Variants in PON1 observed in about 807,000 individuals in gnomAD.
PON1 encodes the protein serum paraoxonase/arylesterase 1.
In PON1, 37 loss-of-function variants were observed where a neutral mutation model predicts 39.2. The ratio of observed to expected loss-of-function variants is 0.94; its 90% CI spans 0.73 to 1.24. The LOEUF (loss-of-function observed/expected upper bound fraction) is 1.24, where lower values mean the gene tolerates loss of function less well. Among genes scored for constraint, PON1 ranks in the 50% most tolerant of loss-of-function variants. The probability of loss-of-function intolerance (pLI) is 0.00; values close to 1 mark genes in which losing one functional copy is unlikely to be tolerated. For synonymous variants in PON1, 148 were observed against 152.2 expected (o/e 0.97, Z 0.21); for missense variants, 397 against 413.5 (o/e 0.96, Z 0.35).
In PON1 at chr7:95,298,537, AGACAC is replaced by A. The variant is rs1807340097; in HGVS notation, c.*402_*406del. 3.1e-6 allele frequency: 1 copy of A among 325,090 alleles called. No homozygotes were observed. The highest frequency in any genetic ancestry group is 6.0e-6 in the Non-Finnish European group (1 of 166,702). The allele number at this position is 325,090 out of a possible 1,614,324, so 20.1% of individuals were successfully genotyped here. Reference sequence around the variant, plus strand: ...CCCTGGGTGAGTACTGGAGTTCTAAAGACACGTGAGCTAACCCTGCTCCCCTGTGT... The same window carrying A: ...CCCTGGGTGAGTACTGGAGTTCTAAAGTGAGCTAACCCTGCTCCCCTGTGT... On this transcript the variant is annotated 3_prime_UTR_variant, in exon 9 of 9. Transcript: ENST00000222381.
At chr7:95,299,691 T>A (rs112455419) in intron 8 of PON1, among the ~76,000 whole-genome samples, 9 of 152,266 alleles carry the variant, frequency 5.9e-5, no homozygotes, top group African/African-American at 1.9e-4. Flanking sequence ...CCCTCAAACA[T>A]CAGACTCCAA....
intron 1 of PON1, 110 bp downstream of exon 1, chr7:95,324,292 C>T (rs1041136906): frequency 1.0e-6 from 1 of 982,612 alleles, no homozygotes; most frequent in Non-Finnish European, 1.6e-6. Context: ...CATCTAGCAC[C>T]TGCTTGTAAA....
At chr7:95,320,817 T>C (rs1328715850) in intron 1 of PON1, among the ~76,000 whole-genome samples, 1 of 152,216 alleles carries the variant, frequency 6.6e-6, no homozygotes, top group Non-Finnish European at 1.5e-5. Context: ...GCCTAAGAGA[T>C]AAGGGTCAAT....
chr7:95,315,314 A>G lies in PON1; in HGVS notation c.370+8T>C. On this transcript the variant is annotated splice_region_variant and intron_variant, in intron 4 of 8. Coordinates refer to ENST00000222381, the MANE Select transcript of PON1 (RefSeq NM_000446.7). ...GTTTTGGTTTTAATAAATAGTAAAT[A>G]TTGTTACCTTCATCTGTGAATGTGC... The G allele has an allele frequency of 6.2e-7, 1 of 1,609,108 alleles. No homozygotes were observed. The highest frequency in any genetic ancestry group is 8.5e-7 in the Non-Finnish European group (1 of 1,176,022).
At chr7:95,317,698 G>A (rs535836472) in intron 2 of PON1, among the ~76,000 whole-genome samples, 32 of 152,072 alleles carry the variant, frequency 2.1e-4, no homozygotes, top group Admixed American at 3.3e-4. Context: ...TTGAGCCCGG[G>A]GACTCTCCTT....
rs1807315456 is a variant in PON1, at chr7:95,298,046, T to A, written c.*898A>T. Reference sequence around the variant, plus strand: ...TTGTTTACCTTTCTATTATTTTTTTTCTTTTCAGCCTCCACAACAAGAAGT... The same window carrying A: ...TTGTTTACCTTTCTATTATTTTTTTACTTTTCAGCCTCCACAACAAGAAGT... On this transcript the variant is annotated 3_prime_UTR_variant, in exon 9 of 9. Coordinates refer to ENST00000222381, the MANE Select transcript of PON1 (RefSeq NM_000446.7). 6.6e-6 allele frequency: 1 copy of A among 152,198 alleles called. No individual in the cohort carries two copies. The highest frequency in any genetic ancestry group is 2.1e-4 in the South Asian group (1 of 4,834). The allele number at this position is 152,198 out of a possible 1,614,324, so 9.4% of individuals were successfully genotyped here. A position where few individuals can be genotyped will look rare whatever the true frequency, so the allele number is the denominator to read the frequency against.
At chr7:95,315,036 T>A (rs1807735135) in intron 4 of PON1, among the ~76,000 whole-genome samples, 1 of 152,190 alleles carries the variant, frequency 6.6e-6, no homozygotes, top group African/African-American at 2.4e-5. Context: ...GCTATAATGA[T>A]CAGGGCTGGA....
chr7:95,312,656 T>C (rs776925940), intron 4 of PON1, among the ~76,000 whole-genome samples: 2 of 152,220 alleles, frequency 1.3e-5, no homozygotes, highest in African/African-American at 2.4e-5. Context: ...AATGTGGATA[T>C]CTAGGGAAAG....
chr7:95,302,051 T>G (rs1170882062), intron 8 of PON1, among the ~76,000 whole-genome samples, 154 bp downstream of exon 8: 1 of 130,344 alleles, frequency 7.7e-6, no homozygotes, highest in Non-Finnish European at 1.5e-5. Context: ...GAGCCAAGAT[T>G]GCGCCACTGC....
At chr7:95,302,395 A>G (rs773334957) in intron 7 of PON1, 62 bp from the exon 8 acceptor site, 87 of 1,482,048 alleles carry the variant, frequency 5.9e-5, no homozygotes, top group Admixed American at 1.5e-4. Flanking sequence ...GTGATGGAGC[A>G]AAATATATCA....
At chr7:95,309,934 A>G (rs1027890371) in intron 5 of PON1, among the ~76,000 whole-genome samples, 1 of 152,248 alleles carries the variant, frequency 6.6e-6, no homozygotes, top group Non-Finnish European at 1.5e-5. Flanking sequence ...TAATTACGGC[A>G]CCGTGGTTAT....
In PON1 at chr7:95,298,755, TG is replaced by T. The variant is rs1234948252; in HGVS notation, c.*188del. The T allele has an allele frequency of 1.5e-6, 1 of 676,324 alleles. No individual in the cohort carries two copies. Among genetic ancestry groups the T allele is most frequent in the East Asian group, 2.7e-5 (1 of 36,554 alleles). The allele number at this position is 676,324 out of a possible 1,614,324, so 41.9% of individuals were successfully genotyped here. ...GTTTTCAAGTATTCCAAGACTGATT[TG>T]ATAGTGTATTCTCAAAAAAAAGCCC... On this transcript the variant is annotated 3_prime_UTR_variant, in exon 9 of 9. Coordinates refer to ENST00000222381, the MANE Select transcript of PON1 (RefSeq NM_000446.7).
intron 1 of PON1, 36 bp downstream of exon 1, chr7:95,324,366 G>T (rs1807966047): frequency 1.2e-6 from 2 of 1,601,862 alleles, no homozygotes; most frequent in African/African-American, 2.7e-5. Flanking sequence ...GAGTGAGGAG[G>T]ACGAAGGCTG....
At chr7:95,303,345 C>T (rs1044857026) in intron 7 of PON1, among the ~76,000 whole-genome samples, 2 of 138,326 alleles carry the variant, frequency 1.4e-5, no homozygotes, top group East Asian at 2.8e-4. Context: ...GCAAGACAGG[C>T]GGCTCCATGC....
chr7:95,322,346 G>GTATATA (rs753285630), intron 1 of PON1, among the ~76,000 whole-genome samples: 20 of 136,180 alleles, frequency 1.5e-4, no homozygotes, highest in Non-Finnish European at 2.9e-4. Context: ...GTGTGTGTGT[G>GTATATA]TGTGTATATA....
chr7:95,300,015 C>G (rs1807386370), intron 8 of PON1, among the ~76,000 whole-genome samples: 1 of 151,330 alleles, frequency 6.6e-6, no homozygotes, highest in South Asian at 2.1e-4. Context: ...AAAACCATAT[C>G]TGTGTACCAT....
intron 4 of PON1, among the ~76,000 whole-genome samples, chr7:95,313,640 G>GTGTGTT (rs1807704153): frequency 6.6e-6 from 1 of 151,774 alleles, no homozygotes. Flanking sequence ...GTGTGTGTGT[G>GTGTGTT]TGTGTGTGTG....
intron 3 of PON1, among the ~76,000 whole-genome samples, chr7:95,315,786 C>A (rs1807754789): frequency 6.6e-6 from 1 of 152,024 alleles, no homozygotes; most frequent in African/African-American, 2.4e-5. Context: ...GAAGAGCAGA[C>A]CAAAAAGGCA....
rs377278600 is a variant in PON1 at position 95,306,367 on chromosome 7, C to T, written c.699-1G>A. ...CAGCAACTCAGCTATATAGACATACCTTCAAAGAAGAAAGAGCTACATCAA... is the reference window on the plus strand; with the variant it reads ...CAGCAACTCAGCTATATAGACATACTTTCAAAGAAGAAAGAGCTACATCAA... On this transcript the variant is annotated splice_acceptor_variant, in intron 6 of 8. Transcript: ENST00000222381. LOFTEE classifies it high-confidence loss of function. 2.5e-6 allele frequency: 4 copies of T among 1,599,580 alleles called. No individual in the cohort carries two copies. The South Asian group carries it at 3.3e-5, about 13-fold the overall frequency.
Sources: gnomAD v4.1 joint callset for allele counts (sites outside exome capture counted in the v4.1 genomes callset) on GRCh38, gnomAD v4.1.1 for gene constraint, MANE v1.5 for transcripts, NCBI Gene and HGNC (gene_info 2026-07-23, HGNC 2026-07-21) for gene names.